The following SACS variants were observed in gnomAD, a reference collection of about 807,000 sequenced individuals.
SACS encodes sacsin molecular chaperone, also known as sacsin.
A neutral mutation model predicts 348.0 loss-of-function variants in SACS; 197 were observed. The observed-to-expected ratio is 0.57, with a 90% confidence interval of 0.50 to 0.64. The LOEUF is 0.64. Ranked by LOEUF, SACS falls within the 30% of genes least tolerant of loss-of-function variation. SACS has a pLI of 0.00. For missense variants in SACS, 4,999 were observed against 5,360.8 expected (o/e 0.93, Z 2.11); for synonymous variants, 1,985 against 1,910.6 (o/e 1.04, Z -1.02).
chr13:23,362,850 T>C (rs573015028), intron 6 of SACS, among the ~76,000 whole-genome samples: 193 of 152,196 alleles, frequency 1.3e-3, no homozygotes, highest in Non-Finnish European at 2.5e-3. Flanking sequence ...CCTCTCAAAG[T>C]GCTGGGATTA....
chr13:23,365,329 G>T, intron 5 of SACS, 52 bp from the exon 6 acceptor site: 1 of 973,102 alleles, frequency 1.0e-6, no homozygotes, highest in Non-Finnish European at 1.6e-6. Context: ...GTAATCTACT[G>T]CTCATCTTTG....
intron 9 of SACS, among the ~76,000 whole-genome samples, chr13:23,353,190 C>T (rs139537113): frequency 1.5e-3 from 227 of 152,318 alleles, no homozygotes; most frequent in African/African-American, 4.9e-3. Context: ...ACCTATCAGA[C>T]ACCCATCACT....
intron 2 of SACS, among the ~76,000 whole-genome samples, chr13:23,379,570 C>T (rs1335933304): frequency 6.6e-6 from 1 of 152,190 alleles, no homozygotes; most frequent in Admixed American, 6.5e-5. Flanking sequence ...ACCTCACCTC[C>T]CTCTCCTATG....
In SACS at chr13:23,346,822, C is replaced by A. The variant is rs549797912; in HGVS notation, c.2186-5132G>T. ...TTCAGTTATCCTACCTGAATATCCC[C>A]AGAGTTGTTGTTGTGCTAGAATACA... On this transcript the variant is annotated intron_variant, in intron 9 of 9. Transcript: ENST00000382292. The A allele has an allele frequency of 3.0e-6, 3 of 984,356 alleles. No individual in the cohort carries two copies. The East Asian group carries it at 3.4e-4, about 112-fold the overall frequency. The allele number at this position is 984,356 out of a possible 1,614,324, so 61.0% of individuals were successfully genotyped here.
intron 2 of SACS, among the ~76,000 whole-genome samples, chr13:23,401,342 AC>A (rs1872971186): frequency 6.6e-6 from 1 of 152,242 alleles, no homozygotes; most frequent in Admixed American, 6.5e-5. Flanking sequence ...AAGGAATGCA[AC>A]CACTTGTGTA....
intron 2 of SACS, among the ~76,000 whole-genome samples, chr13:23,396,102 T>C (rs1872702245): frequency 6.6e-6 from 1 of 152,036 alleles, no homozygotes; most frequent in African/African-American, 2.4e-5. Flanking sequence ...GGTGGACAGA[T>C]TATTTGACGT....
intron 1 of SACS, among the ~76,000 whole-genome samples, chr13:23,426,288 G>A (rs1430625620): frequency 1.3e-5 from 2 of 152,172 alleles, no homozygotes; most frequent in Non-Finnish European, 2.9e-5. Flanking sequence ...TGCCCAAGGT[G>A]GTCAGGGCAC....
At chr13:23,400,038 G>T (rs1872893707) in intron 2 of SACS, among the ~76,000 whole-genome samples, 1 of 152,182 alleles carries the variant, frequency 6.6e-6, no homozygotes. Flanking sequence ...GTCTTTGACT[G>T]CCAAGCCACA....
At chr13:23,350,286 A>G (rs1017086331) in intron 9 of SACS, among the ~76,000 whole-genome samples, 2 of 152,224 alleles carry the variant, frequency 1.3e-5, no homozygotes, top group Non-Finnish European at 2.9e-5. Context: ...AGGAGGAAGT[A>G]CAGACAATAA....
chr13:23,379,190 T>G (rs1871940228), intron 2 of SACS, among the ~76,000 whole-genome samples: 1 of 152,170 alleles, frequency 6.6e-6, no homozygotes, highest in Non-Finnish European at 1.5e-5. Flanking sequence ...AAACTCTCTT[T>G]CTCACCTGTA....
intron 1 of SACS, among the ~76,000 whole-genome samples, chr13:23,429,542 T>G (rs1456037473): frequency 6.6e-6 from 1 of 151,894 alleles, no homozygotes; most frequent in Non-Finnish European, 1.5e-5. Context: ...TTTTTGTATT[T>G]TTAGTAGAGA....
intron 9 of SACS, among the ~76,000 whole-genome samples, chr13:23,352,356 T>C (rs1336514755): frequency 6.6e-6 from 1 of 152,234 alleles, no homozygotes; most frequent in Non-Finnish European, 1.5e-5. Context: ...ATATGCCACA[T>C]GGCTCCTTCT....
In SACS at chr13:23,375,211, C is replaced by T; in HGVS notation, c.79G>A (p.Ala27Thr). 1.3e-6 allele frequency: 2 copies of T among 1,499,940 alleles called. No homozygotes were observed. The highest frequency in any genetic ancestry group is 1.8e-6 in the Non-Finnish European group (2 of 1,123,874). The allele number at this position is 1,499,940 out of a possible 1,614,324, so 92.9% of individuals were successfully genotyped here. A position where few individuals can be genotyped will look rare whatever the true frequency, so the allele number is the denominator to read the frequency against. ...TTCACATCGCGCACGGTCCAGGACG[C>T]CAGCGCCGCGACGGTCCTGCAGCCC... is the stretch of plus-strand genomic sequence containing the variant. ...CVGCRTVAAL[A>T]SWTVRDVKER... is the part of the protein sequence containing the mutation. The change falls in exon 3 of 10, where the codon GCG becomes ACG. Residue 27 changes from alanine to threonine, a missense_variant. Ala to Thr is a moderately conservative substitution (Grantham distance 58). Around this residue, in one of 6 missense-constraint regions of SACS, gnomAD observed 3,156 missense variants for 3,380.1 expected, o/e 0.93. Coordinates refer to ENST00000382292, the MANE Select transcript of SACS (RefSeq NM_014363.6).
At chr13:23,363,199 G>A (rs554020132) in intron 6 of SACS, among the ~76,000 whole-genome samples, 14 of 149,350 alleles carry the variant, frequency 9.4e-5, no homozygotes, top group Admixed American at 6.7e-4. Flanking sequence ...ATGAGCCACC[G>A]CACCTGGCCT....
In SACS at chr13:23,331,703, C is replaced by T. The variant is rs1397700836; in HGVS notation, c.12173G>A (p.Arg4058Lys). 2 of 1,613,812 alleles carry T rather than the reference C, an allele frequency of 1.2e-6. No homozygotes were observed. Among genetic ancestry groups the T allele is most frequent in the Non-Finnish European group, 1.7e-6 (2 of 1,179,960 alleles). ...SCFEKLQTTL[R>K]VKGFNPIPHS... is the part of the protein sequence containing the mutation. The stretch of plus-strand genomic sequence containing the variant: ...GGGAATAGGATTAAAACCTTTAACT[C>T]TTAATGTTGTTTGAAGCTTTTCAAA... Residue 4058 changes from arginine (R) to lysine (K), a missense_variant, in exon 10 of 10, where the codon AGA becomes AAA. By Grantham distance (26) the Arg-to-Lys change is conservative. Around this residue, in one of 6 missense-constraint regions of SACS, gnomAD observed 831 missense variants for 941.8 expected, o/e 0.88. Coordinates refer to ENST00000382292, the MANE Select transcript of SACS (RefSeq NM_014363.6).
intron 6 of SACS, among the ~76,000 whole-genome samples, chr13:23,361,086 C>T (rs1299805481): frequency 6.6e-6 from 1 of 152,078 alleles, no homozygotes; most frequent in Non-Finnish European, 1.5e-5. Context: ...CTGTCTCTCA[C>T]CCTACAACGT....
rs755172172 is a variant in SACS, at chr13:23,333,089, G to C, written c.10787C>G (p.Ser3596Cys). The change falls in exon 10 of 10, where the codon TCT becomes TGT. Residue 3596 changes from serine to cysteine, a missense_variant. By Grantham distance (112) the Ser-to-Cys change is moderately radical (BLOSUM62 -1). Transcript: ENST00000382292. ...LRNIGLKYIL[S>C]QQQLLQFAKE... The stretch of plus-strand genomic sequence containing the variant: ...AGCAAACTGTAACAACTGCTGCTGA[G>C]AAAGTATGTATTTTAGTCCAATATT... 1 of 1,613,726 alleles carries C rather than the reference G, an allele frequency of 6.2e-7. No homozygotes were observed. The highest frequency in any genetic ancestry group is 1.3e-5 in the African/African-American group (1 of 74,902).
chr13:23,332,042 T>C lies in SACS; in HGVS notation c.11834A>G (p.Asp3945Gly). 2 of 1,614,092 alleles carry C rather than the reference T, an allele frequency of 1.2e-6. No homozygotes were observed. Among genetic ancestry groups the C allele is most frequent in the Non-Finnish European group, 1.7e-6 (2 of 1,179,968 alleles). ...QGNIGVQMLV[D>G]LSQCYLGKDH... ...TTTCCCTAAGTAGCACTGGCTGAGA[T>C]CAACTAACATTTGCACACCAATATT... Residue 3945 changes from aspartate (D) to glycine (G), a missense_variant, in exon 10 of 10, where the codon GAT (aspartate) becomes GGT (glycine). Physicochemically the swap from Asp to Gly is moderately conservative, Grantham distance 94 (BLOSUM62 -1). Transcript: ENST00000382292.
In SACS at chr13:23,371,215, C is replaced by T. The variant is rs756731650; in HGVS notation, c.172-50G>A. The T allele has an allele frequency of 6.1e-6, 7 of 1,140,184 alleles. No homozygotes were observed. In the African/African-American group the frequency reaches 7.8e-5, roughly 13 times the overall value. 70.6% of individuals were successfully genotyped at this position (1,140,184 alleles called of 1,614,324 possible). A position where few individuals can be genotyped will look rare whatever the true frequency, so the allele number is the denominator to read the frequency against. On this transcript the variant is annotated intron_variant, in intron 3 of 9. Coordinates refer to ENST00000382292, the MANE Select transcript of SACS (RefSeq NM_014363.6). ...ATGAAAAGCAATACAGTCTCTAATA[C>T]TGTAAATTCAAGACATTATCTCAAA...
Sources: gnomAD v4.1 joint callset for allele counts (sites outside exome capture counted in the v4.1 genomes callset) on GRCh38, gnomAD v4.1.1 for gene constraint, gnomAD v4.1.1 regional missense constraint, MANE v1.5 for transcripts, NCBI Gene and HGNC (gene_info 2026-07-23, HGNC 2026-07-21) for gene names.